Variants in MYCBP2 observed in about 807,000 individuals in gnomAD.
MYCBP2 encodes E3 ubiquitin-protein ligase MYCBP2.
A neutral mutation model predicts 525.3 loss-of-function variants in MYCBP2; 120 were observed. The observed-to-expected ratio is 0.23, with a 90% CI of 0.20 to 0.27. The LOEUF is 0.27. Ranked by LOEUF, MYCBP2 falls within the 10% of genes least tolerant of loss-of-function variation. The pLI, the probability that MYCBP2 is intolerant of heterozygous loss-of-function variation, is 1.00. For missense variants in MYCBP2, 4,149 were observed against 5,657.1 expected, an observed-to-expected ratio of 0.73 and a Z score of 8.55; for synonymous variants, 1,894 against 1,955.8, an observed-to-expected ratio of 0.97 and a Z score of 0.83.
At chr13:77,251,591 T>C (rs2071215999) in intron 14 of MYCBP2, among the ~76,000 whole-genome samples, 1 of 152,228 alleles carries the variant, frequency 6.6e-6, no homozygotes, top group South Asian at 2.1e-4. Flanking sequence ...GTCTCTTGGC[T>C]GTTACCTTCT....
At position 77,098,769 on chromosome 13, in the gene MYCBP2, C is replaced by T. The variant is rs780159604; in HGVS notation, c.8385G>A (p.Leu2795=). ...SRSLSPNHNT[L]QTLKSDGRMP... Reference sequence around the variant, plus strand: ...TCCTCCCATCAGATTTCAATGTCTGCAAGGTGTTATGGTTGGGGGATAATG... The same window carrying T: ...TCCTCCCATCAGATTTCAATGTCTGTAAGGTGTTATGGTTGGGGGATAATG... Residue 2795 remains leucine, a synonymous_variant, in exon 56 of 83, where the codon TTG becomes TTA. Coordinates refer to ENST00000544440, the MANE Select transcript of MYCBP2 (RefSeq NM_015057.5). 1 of 1,613,370 alleles carries T rather than the reference C, an allele frequency of 6.2e-7. No homozygotes were observed. The highest frequency in any genetic ancestry group is 1.3e-5 in the African/African-American group (1 of 74,790).
intron 1 of MYCBP2, among the ~76,000 whole-genome samples, chr13:77,320,368 G>GAGAATTA (rs1279491653): frequency 6.6e-6 from 1 of 152,180 alleles, no homozygotes; most frequent in East Asian, 1.9e-4. Flanking sequence ...AATGAGGGAA[G>GAGAATTA]AGAATTAAGC....
intron 68 of MYCBP2, 75 bp downstream of exon 68, chr13:77,076,676 A>G: frequency 2.3e-6 from 2 of 854,102 alleles, no homozygotes; most frequent in Non-Finnish European, 3.6e-6. Flanking sequence ...CAAAATATAC[A>G]GCAATAAATG....
At position 77,139,195 on chromosome 13, in the gene MYCBP2, C is replaced by T; in HGVS notation, c.7659+1G>A. Reference sequence around the variant, plus strand: ...GCTTTTTAAAACCACCTTTTACTTACGTCAACAGGGACCAGAAGACTCTTG... The same window carrying T: ...GCTTTTTAAAACCACCTTTTACTTATGTCAACAGGGACCAGAAGACTCTTG... On this transcript the variant is annotated splice_donor_variant, in intron 52 of 82. Coordinates refer to ENST00000544440, the MANE Select transcript of MYCBP2 (RefSeq NM_015057.5). LOFTEE classifies it high-confidence loss of function. 2 of 1,612,798 alleles carry T rather than the reference C, an allele frequency of 1.2e-6. No individual in the cohort carries two copies. Among genetic ancestry groups the T allele is most frequent in the Non-Finnish European group, 1.7e-6 (2 of 1,179,206 alleles).
chr13:77,097,699 G>A lies in MYCBP2; in HGVS notation c.9455C>T (p.Ser3152Phe). 6.2e-7 allele frequency: 1 copy of A among 1,613,642 alleles called. No homozygotes were observed. Among genetic ancestry groups the A allele is most frequent in the Non-Finnish European group, 8.5e-7 (1 of 1,179,786 alleles). Residue 3152 changes from serine to phenylalanine, a missense_variant, in exon 56 of 83, where the codon TCT (serine) becomes TTT (phenylalanine). By Grantham distance (155) the Ser-to-Phe change is radical. This residue lies in a region of MYCBP2 where 653 missense variants were observed against 744.7 expected (regional missense o/e 0.88). Transcript: ENST00000544440. ...FEMSMHNTMK[S>F]KSPLPLTLQH... ...TAAAGTTAAGGGAAGAGGAGACTTA[G>A]ACTTCATTGTGTTATGCATGGACAT... is the stretch of plus-strand genomic sequence containing the variant.
At chr13:77,299,761 T>C (rs1245826191) in intron 1 of MYCBP2, among the ~76,000 whole-genome samples, 1 of 152,202 alleles carries the variant, frequency 6.6e-6, no homozygotes, top group African/African-American at 2.4e-5. Flanking sequence ...ATGTCTGGAA[T>C]TGGTCCTGTA....
At chr13:77,125,289 T>C in intron 54 of MYCBP2, 47 bp downstream of exon 54, 1 of 1,609,312 alleles carries the variant, frequency 6.2e-7, no homozygotes, top group Non-Finnish European at 8.5e-7. Flanking sequence ...TAAACTTCTG[T>C]ATTTGAAAGC....
chr13:77,206,540 T>G, intron 24 of MYCBP2, 113 bp downstream of exon 24: 1 of 1,005,234 alleles, frequency 9.9e-7, no homozygotes, highest in Non-Finnish European at 1.4e-6. Context: ...TTTTGTACAT[T>G]ATTATTATTT....
intron 43 of MYCBP2, among the ~76,000 whole-genome samples, chr13:77,163,864 C>T (rs1453340936): frequency 2.0e-5 from 3 of 152,134 alleles, no homozygotes; most frequent in Non-Finnish European, 4.4e-5. Context: ...ATCCCAGGAG[C>T]ATCCCCTCTC....
chr13:77,159,569 C>T (rs969642439), intron 44 of MYCBP2, among the ~76,000 whole-genome samples: 7 of 152,246 alleles, frequency 4.6e-5, no homozygotes, highest in African/African-American at 7.2e-5. Context: ...AGTGACCTGG[C>T]GGGAGGTGAC....
At position 77,191,832 on chromosome 13, in the gene MYCBP2, G is replaced by T. The variant is rs772588821; in HGVS notation, c.3936-19C>A. 1 of 1,610,172 alleles carries T rather than the reference G, an allele frequency of 6.2e-7. No individual in the cohort carries two copies. The highest frequency in any genetic ancestry group is 8.5e-7 in the Non-Finnish European group (1 of 1,177,810). On this transcript the variant is annotated intron_variant, in intron 27 of 82. Coordinates refer to ENST00000544440, the MANE Select transcript of MYCBP2 (RefSeq NM_015057.5). ...TTTTTCTCTGAGAAAAAATTAGTGA[G>T]TCAAAAACAATATTTTCTTACTTCT...
chr13:77,271,434 G>A (rs1194135051), intron 5 of MYCBP2, among the ~76,000 whole-genome samples: 1 of 152,162 alleles, frequency 6.6e-6, no homozygotes, highest in Admixed American at 6.5e-5. Flanking sequence ...TGGACAAGTA[G>A]TATGCATTTG....
In MYCBP2 at chr13:77,067,574, A is replaced by G. The variant is rs772088970; in HGVS notation, c.12455+7T>C. 1 of 1,613,728 alleles carries G rather than the reference A, an allele frequency of 6.2e-7. No homozygotes were observed. The highest frequency in any genetic ancestry group is 8.5e-7 in the Non-Finnish European group (1 of 1,179,652). ...GTTTTGGTACTAAAATAGAGGCAAT[A>G]ACTAACCTGGAATTGAAAATCATCG... On this transcript the variant is annotated splice_region_variant and intron_variant, in intron 71 of 82. Coordinates refer to ENST00000544440, the MANE Select transcript of MYCBP2 (RefSeq NM_015057.5).
chr13:77,137,347 G>T (rs1055389947), intron 52 of MYCBP2, among the ~76,000 whole-genome samples: 1 of 152,128 alleles, frequency 6.6e-6, no homozygotes, highest in Admixed American at 6.6e-5. Flanking sequence ...TCTCCCAAAA[G>T]CAGCTCCTCA....
At position 77,261,371 on chromosome 13, in the gene MYCBP2, T is replaced by C; in HGVS notation, c.1652A>G (p.Tyr551Cys). 1 of 1,591,416 alleles carries C rather than the reference T, an allele frequency of 6.3e-7. No homozygotes were observed. The highest frequency in any genetic ancestry group is 1.1e-5 in the South Asian group (1 of 90,146). The stretch of plus-strand genomic sequence containing the variant: ...AAGACTCTGGTATTTGCCAGTGTAA[T>C]ATATCTTATGTATTAAAAAAAAAAA... ...ALMKTANGKI[Y>C]YTGKYQSLGI... Residue 551 changes from tyrosine to cysteine, a missense_variant, in exon 12 of 83, where the codon TAT becomes TGT. Around this residue, in one of 21 missense-constraint regions of MYCBP2, gnomAD observed 262 missense variants for 419.3 expected, o/e 0.62. Transcript: ENST00000544440.
chr13:77,224,568 T>C (rs1348884557), intron 19 of MYCBP2, 36 bp from the exon 20 acceptor site: 3 of 1,281,572 alleles, frequency 2.3e-6, no homozygotes, highest in Non-Finnish European at 1.1e-6. Flanking sequence ...TTTTTCATTA[T>C]ATGCATTTTA....
intron 43 of MYCBP2, among the ~76,000 whole-genome samples, chr13:77,163,363 G>A (rs1417411023): frequency 6.6e-6 from 1 of 151,954 alleles, no homozygotes; most frequent in East Asian, 1.9e-4. Context: ...TGGGAGAAAA[G>A]GGATGGAGAA....
intron 5 of MYCBP2, 72 bp from the exon 6 acceptor site, chr13:77,270,610 G>A: frequency 1.5e-6 from 2 of 1,377,840 alleles, no homozygotes; most frequent in South Asian, 1.5e-5. Flanking sequence ...AGATACTTTG[G>A]TAATACATCA....
At position 77,251,247 on chromosome 13, in the gene MYCBP2, T is replaced by C. The variant is rs775549644; in HGVS notation, c.2285A>G (p.Lys762Arg). ...MMCPPGMHKW[K>R]LEQCMVCTVC... ...AGTGCAAACCATGCACTGCTCCAGCTTCCATTTGTGCATGCCTGGAGGGCA... is the reference window on the plus strand; with the variant it reads ...AGTGCAAACCATGCACTGCTCCAGCCTCCATTTGTGCATGCCTGGAGGGCA... Residue 762 changes from lysine (K) to arginine (R), a missense_variant, in exon 15 of 83, where the codon AAG becomes AGG. Lys to Arg is a conservative substitution (Grantham distance 26, BLOSUM62 2). This residue lies in a region of MYCBP2 where 620 missense variants were observed against 795.5 expected (regional missense o/e 0.78). Transcript: ENST00000544440. The C allele has an allele frequency of 1.9e-6, 3 of 1,614,212 alleles. No homozygotes were observed. The South Asian group carries it at 3.3e-5, about 18-fold the overall frequency.
Sources: allele counts gnomAD v4.1 joint callset (sites outside exome capture counted in the v4.1 genomes callset), GRCh38; gene constraint gnomAD v4.1.1; regional missense constraint gnomAD v4.1.1; transcripts MANE v1.5; gene names NCBI Gene and HGNC (gene_info 2026-07-23, HGNC 2026-07-21).